The following TMPO variants were observed in gnomAD, a reference collection of about 807,000 sequenced individuals.
TMPO encodes thymopoietin, also known as LEM domain containing 4.
TMPO carries 22 observed loss-of-function variants against 45.4 expected under a neutral mutation model. The ratio of observed to expected loss-of-function variants is 0.48; its 90% CI spans 0.35 to 0.69. TMPO has a LOEUF of 0.69. Ranked by LOEUF, TMPO falls within the 30% of genes least tolerant of loss-of-function variation. The pLI, the probability that TMPO is intolerant of heterozygous loss-of-function variation, is 0.01. For synonymous variants in TMPO, 241 were observed against 204.1 expected (o/e 1.18, Z -1.54); for missense variants, 512 against 548.8 (o/e 0.93, Z 0.67).
rs977435157 is a variant in TMPO, at chr12:98,515,734, C to T, written c.-134C>T. The T allele has an allele frequency of 3.7e-5, 56 of 1,521,506 alleles. No homozygotes were observed. The highest frequency in any genetic ancestry group is 1.4e-4 in the African/African-American group (10 of 71,964). The allele number at this position is 1,521,506 out of a possible 1,614,324, so 94.3% of individuals were successfully genotyped here. A position where few individuals can be genotyped will look rare whatever the true frequency, so the allele number is the denominator to read the frequency against. On this transcript the variant is annotated 5_prime_UTR_variant, in exon 1 of 9. Transcript: ENST00000556029. ...GCTTTGTGTCCGCGAGTTTTTGTTC[C>T]GCTCCGCAGCGCTCTTCCCGGGCAG...
intron 1 of TMPO, among the ~76,000 whole-genome samples, chr12:98,526,889 C>T (rs568925017): frequency 4.6e-5 from 7 of 151,878 alleles, no homozygotes; most frequent in East Asian, 3.9e-4. Context: ...ACCCGGGAGT[C>T]GGAGGTTGCA....
intron 3 of TMPO, among the ~76,000 whole-genome samples, chr12:98,532,645 A>C (rs564494094): frequency 6.6e-6 from 1 of 152,102 alleles, no homozygotes; most frequent in Admixed American, 6.5e-5. Context: ...ATTTATTTTG[A>C]TCCAGATTGT....
chr12:98,544,629 A>G, intron 6 of TMPO, 92 bp downstream of exon 6: 1 of 1,041,458 alleles, frequency 9.6e-7, no homozygotes, highest in Non-Finnish European at 1.4e-6. Flanking sequence ...GCAAATCTCA[A>G]ATTTACATGT....
intron 1 of TMPO, among the ~76,000 whole-genome samples, chr12:98,518,645 GGTAAA>G (rs1462637855): frequency 3.3e-5 from 5 of 151,916 alleles, no homozygotes; most frequent in African/African-American, 1.2e-4. Flanking sequence ...TCAGCCACTT[GGTAAA>G]AGAGAGTTTA....
intron 1 of TMPO, among the ~76,000 whole-genome samples, chr12:98,516,820 A>T (rs938735371): frequency 1.6e-4 from 25 of 152,066 alleles, no homozygotes; most frequent in African/African-American, 5.8e-4. Flanking sequence ...TTATTTATTT[A>T]TTTTTTTAGA....
At chr12:98,519,802 T>C (rs1304519636) in intron 1 of TMPO, among the ~76,000 whole-genome samples, 1 of 152,062 alleles carries the variant, frequency 6.6e-6, no homozygotes, top group Non-Finnish European at 1.5e-5. Flanking sequence ...TAGGAAAAAA[T>C]AATTTTAAGT....
At chr12:98,533,202 A>G (rs1324065048) in intron 3 of TMPO, 1 of 1,614,154 alleles carries the variant, frequency 6.2e-7, no homozygotes, top group South Asian at 1.1e-5. Flanking sequence ...CACTGATTAA[A>G]GAAACCACCA....
Position 98,548,089 on chromosome 12 carries a change from CT to C in TMPO, c.*232del. 2.3e-6 allele frequency: 1 copy of C among 430,348 alleles called. No individual in the cohort carries two copies. The highest frequency in any genetic ancestry group is 3.8e-5 in the South Asian group (1 of 25,976). The allele number at this position is 430,348 out of a possible 1,614,324, so 26.7% of individuals were successfully genotyped here. A position where few individuals can be genotyped will look rare whatever the true frequency, so the allele number is the denominator to read the frequency against. On this transcript the variant is annotated 3_prime_UTR_variant, in exon 9 of 9. Coordinates refer to ENST00000556029, the MANE Select transcript of TMPO (RefSeq NM_001032283.3). ...GTGCCATATGAATAATCTTTTTTAG[CT>C]CTGGAACTTTTTGTAGGCTTTATTT...
At chr12:98,545,234 CAG>C (rs1339651263) in intron 7 of TMPO, among the ~76,000 whole-genome samples, 173 bp downstream of exon 7, 5 of 142,074 alleles carry the variant, frequency 3.5e-5, no homozygotes, top group African/African-American at 1.0e-4. Flanking sequence ...TTAGTGAAAA[CAG>C]AAATTAACTA....
intron 7 of TMPO, 90 bp from the exon 8 acceptor site, chr12:98,546,269 G>A (rs1878220957): frequency 1.1e-6 from 1 of 879,098 alleles, no homozygotes; most frequent in African/African-American, 1.6e-5. Flanking sequence ...AAGGCATTTT[G>A]TTCTCTAAAA....
At chr12:98,527,808 G>A (rs1876891640) in intron 1 of TMPO, 78 bp from the exon 2 acceptor site, 2 of 1,560,092 alleles carry the variant, frequency 1.3e-6, no homozygotes, top group East Asian at 4.5e-5. Flanking sequence ...GAGTTTGCAT[G>A]TTTATGTTAT....
Position 98,544,329 on chromosome 12 carries a change from A to G in TMPO, c.763A>G (p.Arg255Gly), listed in dbSNP as rs1460011016. Reference sequence around the variant, plus strand: ...AACTAGGGAATCTACAAGAGGGTCAAGAAGAACTCCAAGGAAAAGGGTGAT... The same window carrying G: ...AACTAGGGAATCTACAAGAGGGTCAGGAAGAACTCCAAGGAAAAGGGTGAT... ...ALTRESTRGSRRTPRKRVETS... is the reference protein window; with the variant it reads ...ALTRESTRGSGRTPRKRVETS... The change falls in exon 5 of 9, where the codon AGA becomes GGA. Residue 255 changes from arginine (R) to glycine (G), a missense_variant. Coordinates refer to ENST00000556029, the MANE Select transcript of TMPO (RefSeq NM_001032283.3). The G allele has an allele frequency of 1.2e-6, 2 of 1,614,042 alleles. No individual in the cohort carries two copies. Among genetic ancestry groups the G allele is most frequent in the South Asian group, 1.1e-5 (1 of 91,080 alleles).
intron 3 of TMPO, among the ~76,000 whole-genome samples, chr12:98,535,872 C>G (rs376554294): frequency 6.6e-6 from 1 of 152,112 alleles, no homozygotes; most frequent in African/African-American, 2.4e-5. Flanking sequence ...AACCAGATAC[C>G]TTATTCGTTT....
At chr12:98,519,592 AACTT>A (rs1011262935) in intron 1 of TMPO, among the ~76,000 whole-genome samples, 1 of 151,836 alleles carries the variant, frequency 6.6e-6, no homozygotes, top group African/African-American at 2.4e-5. Flanking sequence ...ATATAAAGAA[AACTT>A]ACTTCATAAT....
At chr12:98,531,044 T>G (rs1208203431) in intron 2 of TMPO, among the ~76,000 whole-genome samples, 2 of 152,114 alleles carry the variant, frequency 1.3e-5, no homozygotes. Flanking sequence ...CTGGGTTCAG[T>G]TCTCCTGCCT....
intron 4 of TMPO, among the ~76,000 whole-genome samples, chr12:98,538,500 A>G (rs1466987325): frequency 6.6e-6 from 1 of 152,020 alleles, no homozygotes; most frequent in Non-Finnish European, 1.5e-5. Context: ...TTACAGGCAC[A>G]TGCCACCACG....
intron 1 of TMPO, among the ~76,000 whole-genome samples, chr12:98,524,688 G>A (rs1029589020): frequency 4.6e-5 from 7 of 152,084 alleles, no homozygotes; most frequent in African/African-American, 1.7e-4. Flanking sequence ...CCGCCTCCCA[G>A]ATTCAAGCAA....
At chr12:98,538,223 T>C (rs1247506320) in intron 4 of TMPO, among the ~76,000 whole-genome samples, 1 of 152,230 alleles carries the variant, frequency 6.6e-6, no homozygotes, top group East Asian at 1.9e-4. Flanking sequence ...GAACAAATTA[T>C]TGACTAATGC....
At chr12:98,540,677 G>A (rs1157056448) in intron 4 of TMPO, among the ~76,000 whole-genome samples, 11 of 152,064 alleles carry the variant, frequency 7.2e-5, no homozygotes, top group Non-Finnish European at 1.3e-4. Flanking sequence ...TGCGCCTGGC[G>A]GAAACTATGT....
Sources: allele counts gnomAD v4.1 joint callset (sites outside exome capture counted in the v4.1 genomes callset), GRCh38; gene constraint gnomAD v4.1.1; transcripts MANE v1.5; gene names NCBI Gene and HGNC (gene_info 2026-07-23, HGNC 2026-07-21).